L3MBTL3: variants seen among roughly 807,000 people sequenced by gnomAD.
L3MBTL3 encodes the protein lethal(3)malignant brain tumor-like protein 3.
L3MBTL3 carries 27 observed loss-of-function variants against 102.3 expected under a neutral mutation model. The ratio of observed to expected loss-of-function variants is 0.26; its 90% CI spans 0.19 to 0.36. L3MBTL3 has a LOEUF of 0.36. Ranked by LOEUF, L3MBTL3 falls within the 10% of genes least tolerant of loss-of-function variation. L3MBTL3 has a pLI of 1.00. For missense variants in L3MBTL3, 798 were observed against 955.3 expected, an observed-to-expected ratio of 0.84 and a Z score of 2.17; for synonymous variants, 340 against 320.9, an observed-to-expected ratio of 1.06 and a Z score of -0.64.
chr6:130,063,830 A>G (rs1264796516), intron 10 of L3MBTL3, among the ~76,000 whole-genome samples: 1 of 152,196 alleles, frequency 6.6e-6, no homozygotes, highest in African/African-American at 2.4e-5. Flanking sequence ...AAAAATGTAG[A>G]ATATGTGGCA....
intron 20 of L3MBTL3, among the ~76,000 whole-genome samples, chr6:130,123,753 T>C (rs530588122): frequency 6.6e-6 from 1 of 152,320 alleles, no homozygotes; most frequent in East Asian, 1.9e-4. Context: ...TGTCCGGTAC[T>C]GGATAGCACC....
intron 2 of L3MBTL3, among the ~76,000 whole-genome samples, chr6:130,031,288 C>G (rs1779706818): frequency 6.6e-6 from 1 of 152,196 alleles, no homozygotes; most frequent in African/African-American, 2.4e-5. Flanking sequence ...TTGAATCCAA[C>G]TTGAAGATGA....
At chr6:130,049,217 A>G (rs1286960274) in intron 3 of L3MBTL3, 65 bp from the exon 4 acceptor site, 5 of 896,310 alleles carry the variant, frequency 5.6e-6, no homozygotes, top group South Asian at 1.4e-5. Context: ...TGTGTCAGCC[A>G]TTAAATAATT....
chr6:130,093,443 T>C (rs958885009), intron 17 of L3MBTL3, among the ~76,000 whole-genome samples: 2 of 152,142 alleles, frequency 1.3e-5, no homozygotes, highest in African/African-American at 4.8e-5. Context: ...TTTAAAAAAT[T>C]TAGTGTACTT....
chr6:130,040,084 T>C (rs919293053), intron 2 of L3MBTL3, among the ~76,000 whole-genome samples: 1 of 152,154 alleles, frequency 6.6e-6, no homozygotes, highest in Non-Finnish European at 1.5e-5. Context: ...CCCAGCACTT[T>C]GGGAGGCTGA....
At chr6:130,027,406 T>G (rs993521437) in intron 2 of L3MBTL3, among the ~76,000 whole-genome samples, 2 of 152,206 alleles carry the variant, frequency 1.3e-5, no homozygotes, top group African/African-American at 4.8e-5. Context: ...ATCAGTTGAT[T>G]ATTTTTCTCC....
chr6:130,040,236 G>A (rs1283614177), intron 2 of L3MBTL3, among the ~76,000 whole-genome samples: 1 of 151,804 alleles, frequency 6.6e-6, no homozygotes, highest in African/African-American at 2.4e-5. Flanking sequence ...GGCTGAGGCA[G>A]GAGAATTGCT....
chr6:130,125,874 T>G (rs1174100178), intron 20 of L3MBTL3, among the ~76,000 whole-genome samples: 1 of 152,150 alleles, frequency 6.6e-6, no homozygotes, highest in Non-Finnish European at 1.5e-5. Flanking sequence ...GTTTTGAGTC[T>G]AGGAGCAAAT....
In L3MBTL3 at chr6:130,128,634, C is replaced by T. The variant is rs971703218; in HGVS notation, c.1967-4818C>T. On this transcript the variant is annotated intron_variant, in intron 20 of 22. Transcript: ENST00000361794. ...GTCTTCATCTCAGTACAGTTACATACGTACCAGAGACCCTCCACTGTAACT... is the reference window on the plus strand; with the variant it reads ...GTCTTCATCTCAGTACAGTTACATATGTACCAGAGACCCTCCACTGTAACT... Among the ~76,000 whole-genome samples the T allele has an allele frequency of 6.6e-5, 10 of 152,288 alleles. No individual in the cohort carries two copies. In the East Asian group the frequency reaches 1.3e-3, roughly 21 times the overall value.
chr6:130,127,195 T>G (rs1289633702), intron 20 of L3MBTL3, among the ~76,000 whole-genome samples: 1 of 152,204 alleles, frequency 6.6e-6, no homozygotes, highest in East Asian at 1.9e-4. Context: ...TGGTTAAATC[T>G]TTCTTGGCTA....
chr6:130,064,899 G>A (rs1782148649), intron 10 of L3MBTL3, among the ~76,000 whole-genome samples: 1 of 152,210 alleles, frequency 6.6e-6, no homozygotes, highest in Admixed American at 6.5e-5. Context: ...AGGAACTAGA[G>A]GCTGTAAATT....
intron 1 of L3MBTL3, chr6:130,020,428 C>G (rs934490081): frequency 6.6e-6 from 1 of 152,146 alleles, no homozygotes; most frequent in African/African-American, 2.4e-5. Context: ...GGTGGTAAAA[C>G]TTTAATTACC....
At chr6:130,085,119 G>A (rs1208978060) in intron 15 of L3MBTL3, among the ~76,000 whole-genome samples, 2 of 152,080 alleles carry the variant, frequency 1.3e-5, no homozygotes, top group African/African-American at 2.4e-5. Flanking sequence ...ATGAGCCACC[G>A]CGTCCTGCCC....
chr6:130,047,893 C>T (rs1780826740), intron 3 of L3MBTL3, among the ~76,000 whole-genome samples: 2 of 152,136 alleles, frequency 1.3e-5, no homozygotes, highest in African/African-American at 2.4e-5. Context: ...ACTTTTACCT[C>T]TTCCTACATT....
At chr6:130,039,143 C>CCTTCACACGTCTTG (rs1479642519) in intron 2 of L3MBTL3, among the ~76,000 whole-genome samples, 2 of 151,842 alleles carry the variant, frequency 1.3e-5, no homozygotes, top group Non-Finnish European at 2.9e-5. Flanking sequence ...TATCATGGAC[C>CCTTCACACGTCTTG]CTTCACACGT....
intron 16 of L3MBTL3, 121 bp downstream of exon 16, chr6:130,086,371 A>G: frequency 3.0e-6 from 2 of 673,438 alleles, no homozygotes; most frequent in Non-Finnish European, 5.2e-6. Flanking sequence ...AATAAGCAAA[A>G]TAATTGGCTG....
At chr6:130,086,093 C>A (rs188251330) in intron 15 of L3MBTL3, 47 bp from the exon 16 acceptor site, 5 of 1,244,676 alleles carry the variant, frequency 4.0e-6, no homozygotes, top group Non-Finnish European at 5.9e-6. Context: ...TCAAGTTTAC[C>A]TTCTCTTCCT....
rs1248667731 is a variant in L3MBTL3 at position 130,104,503 on chromosome 6, C to T, written c.1814C>T (p.Pro605Leu). The T allele has an allele frequency of 3.1e-6, 5 of 1,597,870 alleles. No individual in the cohort carries two copies. The Admixed American group carries it at 5.2e-5, about 17-fold the overall frequency. The change falls in exon 19 of 23, where the codon CCT (proline) becomes CTT (leucine). Residue 605 changes from proline to leucine, a missense_variant. By Grantham distance (98) the Pro-to-Leu change is moderately conservative. This residue lies in a region of L3MBTL3 where 306 missense variants were observed against 314.4 expected (regional missense o/e 0.97). Transcript: ENST00000361794. ...IFPDRLSGEM[P>L]PASPSFPRNK... Reference sequence around the variant, plus strand: ...CCAGACCGCTTAAGTGGTGAGATGCCTCCGGCTAGTCCGTCATTTCCAAGA... The same window carrying T: ...CCAGACCGCTTAAGTGGTGAGATGCTTCCGGCTAGTCCGTCATTTCCAAGA...
intron 2 of L3MBTL3, among the ~76,000 whole-genome samples, chr6:130,040,428 A>G (rs1780347586): frequency 6.6e-6 from 1 of 152,150 alleles, no homozygotes. Context: ...GTCATTTTGA[A>G]AATTTTGCTT....
Sources: allele counts gnomAD v4.1 joint callset (sites outside exome capture counted in the v4.1 genomes callset), GRCh38; gene constraint gnomAD v4.1.1; regional missense constraint gnomAD v4.1.1; transcripts MANE v1.5; gene names NCBI Gene and HGNC (gene_info 2026-07-23, HGNC 2026-07-21).